The following ZNF324B variants were observed in gnomAD, a reference collection of about 807,000 sequenced individuals.
ZNF324B encodes zinc finger protein 324B.
A neutral mutation model predicts 10.6 loss-of-function variants in ZNF324B; 7 were observed. That is an observed-to-expected ratio of 0.66 (90% CI 0.38 to 1.24). The LOEUF is 1.24. Ranked by LOEUF, ZNF324B falls within the 50% of genes most tolerant of loss-of-function variation. The probability of loss-of-function intolerance (pLI) is 0.02; values close to 1 mark genes in which losing one functional copy is unlikely to be tolerated. For missense variants in ZNF324B, 640 were observed against 764.7 expected, an observed-to-expected ratio of 0.84 and a Z score of 1.92; for synonymous variants, 316 against 321.0, an observed-to-expected ratio of 0.98 and a Z score of 0.17.
At chr19:58,451,558 C>T (rs988755973), upstream of ZNF324B, 2 of 513,404 alleles carry the variant, frequency 3.9e-6, no homozygotes, top group African/African-American at 3.9e-5. Flanking sequence ...AGGCTGTGCG[C>T]AAGCGTCTGC....
chr19:58,434,659 A>G, the ZNF324B span: 4 of 1,614,218 alleles, frequency 2.5e-6, no homozygotes, highest in South Asian at 2.2e-5. Context: ...TGTAAATGGT[A>G]TCTCTTCAGA....
upstream of ZNF324B, among the ~76,000 whole-genome samples, chr19:58,447,935 C>T (rs2052835196): frequency 6.6e-6 from 1 of 152,172 alleles, no homozygotes; most frequent in Admixed American, 6.5e-5. Flanking sequence ...CTCATTTGCT[C>T]TTACCTGCCA....
rs112534978 is a variant in ZNF324B, at chr19:58,455,050, A to G, written c.239-133A>G. On this transcript the variant is annotated intron_variant, in intron 3 of 3. Coordinates refer to ENST00000336614, the MANE Select transcript of ZNF324B (RefSeq NM_207395.3). The surrounding 1 kb of genome is among the most constrained non-coding windows in gnomAD (Gnocchi z 7.0). ...CTCCAAACCCCAGCCCCTCCTGCAG[A>G]GCCAGCCTCACCTCTTCTTTTTCCC... is the stretch of plus-strand genomic sequence containing the variant. The G allele has an allele frequency of 7.3e-3, 9,113 of 1,248,092 alleles. 561 individuals carry two copies. In the African/African-American group the frequency reaches 0.11, roughly 16 times the overall value. The allele number at this position is 1,248,092 out of a possible 1,614,324, so 77.3% of individuals were successfully genotyped here.
At chr19:58,439,762 C>T in the ZNF324B span, 2 of 1,542,144 alleles carry the variant, frequency 1.3e-6, 1 homozygote, top group South Asian at 2.4e-5. Flanking sequence ...CACTTACCTG[C>T]GCCGGGCCCA....
upstream of ZNF324B, among the ~76,000 whole-genome samples, chr19:58,450,552 T>C (rs1321948647): frequency 6.6e-6 from 1 of 151,988 alleles, no homozygotes; most frequent in African/African-American, 2.4e-5. Context: ...AGTACTTAAG[T>C]GTTCTTAAAT....
Position 58,455,845 on chromosome 19 carries a change from A to C in ZNF324B, c.901A>C (p.Thr301Pro). Reference sequence around the variant, plus strand: ...GGCCTTCAGCCAGACGTCGCACTTGACGCAGCACCAGCGCATCCACAGCGG... The same window carrying C: ...GGCCTTCAGCCAGACGTCGCACTTGCCGCAGCACCAGCGCATCCACAGCGG... ...GKAFSQTSHL[T>P]QHQRIHSGET... The change falls in exon 4 of 4, where the codon ACG becomes CCG. Residue 301 changes from threonine to proline, a missense_variant. Around this residue, in one of 3 missense-constraint regions of ZNF324B, gnomAD observed 57 missense variants for 118.8 expected, o/e 0.48. Transcript: ENST00000336614. This position sits in a 1 kb window ranked among gnomAD's most constrained non-coding sequence, Gnocchi z 7.0. 1 of 1,613,718 alleles carries C rather than the reference A, an allele frequency of 6.2e-7. No homozygotes were observed. The highest frequency in any genetic ancestry group is 8.5e-7 in the Non-Finnish European group (1 of 1,179,886).
Position 58,456,061 on chromosome 19 carries a change from C to A in ZNF324B, c.1117C>A (p.Gln373Lys), listed in dbSNP as rs765227128. The A allele has an allele frequency of 1.9e-6, 3 of 1,610,966 alleles. No individual in the cohort carries two copies. Among genetic ancestry groups the A allele is most frequent in the African/African-American group, 2.7e-5 (2 of 75,022 alleles). ...HAGGRPYACA[Q>K]CGRRFCRNSH... ...GGGTGGGCGTCCTTATGCTTGCGCA[C>A]AGTGTGGCCGCCGCTTCTGCCGCAA... is the stretch of plus-strand genomic sequence containing the variant. Residue 373 changes from glutamine to lysine, a missense_variant, in exon 4 of 4, where the codon CAG (glutamine) becomes AAG (lysine). Gln to Lys is a moderately conservative substitution (Grantham distance 53). This residue lies in a region of ZNF324B where 238 missense variants were observed against 258.0 expected (regional missense o/e 0.92). Transcript: ENST00000336614. The surrounding 1 kb of genome is among the most constrained non-coding windows in gnomAD (Gnocchi z 4.7).
At chr19:58,425,404 C>T in the ZNF324B span, among the ~76,000 whole-genome samples, 1 of 151,004 alleles carries the variant, frequency 6.6e-6, no homozygotes, top group African/African-American at 2.4e-5. Flanking sequence ...TCCTTATAAA[C>T]TATCTAGACT....
the ZNF324B span, chr19:58,441,725 G>A: frequency 2.0e-5 from 3 of 152,370 alleles, no homozygotes; most frequent in East Asian, 1.9e-4. Flanking sequence ...CCCAGTGAAC[G>A]GCCTGAGGAT....
chr19:58,453,986 G>A (rs766792073), intron 2 of ZNF324B, among the ~76,000 whole-genome samples, 164 bp downstream of exon 2: 4 of 152,188 alleles, frequency 2.6e-5, no homozygotes, highest in Non-Finnish European at 4.4e-5. Context: ...ACTCCTTGCC[G>A]CCCTGTCCAG....
the ZNF324B span, chr19:58,440,026 GTAAT>G: frequency 3.5e-6 from 2 of 575,758 alleles, no homozygotes; most frequent in South Asian, 2.2e-5. Context: ...TAAAAGCAGA[GTAAT>G]TAGCCGGGCA....
chr19:58,434,714 C>G, the ZNF324B span: 1 of 1,614,168 alleles, frequency 6.2e-7, no homozygotes, highest in Non-Finnish European at 8.5e-7. Context: ...TTCAGGAAGG[C>G]TTTTCCACAG....
the ZNF324B span, among the ~76,000 whole-genome samples, chr19:58,427,347 T>TTCCTTCTTTCTTTCTTTCTTTCTTTC: frequency 6.2e-5 from 2 of 32,494 alleles, no homozygotes; most frequent in Non-Finnish European, 1.2e-4. Context: ...TTCTTTCTCT[T>TTCCTTCTTTCTTTCTTTCTTTCTTTC]TCCTTTCTTT....
the ZNF324B span, among the ~76,000 whole-genome samples, chr19:58,436,030 G>A: frequency 2.0e-5 from 3 of 152,290 alleles, no homozygotes; most frequent in East Asian, 3.9e-4. Flanking sequence ...ATGAAATATT[G>A]ATACATGCTA....
At chr19:58,432,186 C>G in the ZNF324B span, 6 of 398,860 alleles carry the variant, frequency 1.5e-5, no homozygotes, top group African/African-American at 1.2e-4. Context: ...AACCACTTTC[C>G]TGGACGTCAG....
rs1239974216 is a variant in ZNF324B at position 58,457,220 on chromosome 19, C to T, written c.*641C>T. The stretch of plus-strand genomic sequence containing the variant: ...AGAGTCAATGTGTGCTCACTGCCAG[C>T]TCCTGGGCTGTGCTCTGGTCAGCCA... On this transcript the variant is annotated 3_prime_UTR_variant, in exon 4 of 4. Transcript: ENST00000336614. 1 of 154,092 alleles carries T rather than the reference C, an allele frequency of 6.5e-6. No homozygotes were observed. Among genetic ancestry groups the T allele is most frequent in the Non-Finnish European group, 1.4e-5 (1 of 69,292 alleles). 9.5% of individuals were successfully genotyped at this position (154,092 alleles called of 1,614,324 possible).
In ZNF324B at chr19:58,453,761, A is replaced by C. The variant is rs766080012; in HGVS notation, c.60A>C (p.Thr20=). 9 of 1,614,196 alleles carry C rather than the reference A, an allele frequency of 5.6e-6. No homozygotes were observed. In the African/African-American group the frequency reaches 1.1e-4, roughly 19 times the overall value. Residue 20 remains threonine, a synonymous_variant, in exon 2 of 4, where the codon ACA becomes ACC. Transcript: ENST00000336614. ...FSQEEWGLLD[T]AQRALYRHVM... ...AGGAGGAGTGGGGGCTCCTGGACAC[A>C]GCGCAGAGGGCCCTGTACCGCCACG...
chr19:58,433,408 C>T, the ZNF324B span: 1 of 1,614,194 alleles, frequency 6.2e-7, no homozygotes, highest in Non-Finnish European at 8.5e-7. Context: ...AGTCCTTTCT[C>T]TGGTGTGAAC....
the ZNF324B span, among the ~76,000 whole-genome samples, chr19:58,437,476 G>A: frequency 1.3e-5 from 2 of 152,044 alleles, no homozygotes; most frequent in Admixed American, 1.3e-4. Flanking sequence ...TAGGCAGGTG[G>A]GCAGATGGAT....
Sources: allele counts gnomAD v4.1 joint callset (sites outside exome capture counted in the v4.1 genomes callset), GRCh38; gene constraint gnomAD v4.1.1; regional missense constraint gnomAD v4.1.1; non-coding constraint Gnocchi (gnomAD v3.1); transcripts MANE v1.5; gene names NCBI Gene and HGNC (gene_info 2026-07-23, HGNC 2026-07-21).